Variants in FSTL5 observed in about 807,000 individuals in gnomAD.
FSTL5 encodes follistatin-related protein 5.
In FSTL5, 62 loss-of-function variants were observed where a neutral mutation model predicts 89.1. The ratio of observed to expected loss-of-function variants is 0.70; its 90% confidence interval spans 0.57 to 0.86. The LOEUF (loss-of-function observed/expected upper bound fraction) is 0.86. FSTL5 is among the 40% of genes least tolerant of loss of function. The probability of loss-of-function intolerance (pLI) is 0.00; values close to 1 mark genes in which losing one functional copy is unlikely to be tolerated. For synonymous variants in FSTL5, 383 were observed against 346.2 expected (o/e 1.11, Z -1.18); for missense variants, 1,057 against 1,001.6 (o/e 1.06, Z -0.75).
chr4:162,142,366 C>T (rs1041871951), intron 1 of FSTL5, among the ~76,000 whole-genome samples: 3 of 152,088 alleles, frequency 2.0e-5, no homozygotes, highest in African/African-American at 7.2e-5. Flanking sequence ...ATTTAATAAT[C>T]TGTAAATTAT....
At chr4:161,616,721 T>C (rs1022494898) in intron 7 of FSTL5, among the ~76,000 whole-genome samples, 6 of 151,544 alleles carry the variant, frequency 4.0e-5, no homozygotes, top group Admixed American at 3.9e-4. Flanking sequence ...TGCAGTGGGG[T>C]GAAGAGGACC....
intron 6 of FSTL5, among the ~76,000 whole-genome samples, chr4:161,664,457 C>T (rs1049047535): frequency 6.6e-6 from 1 of 152,194 alleles, no homozygotes; most frequent in Non-Finnish European, 1.5e-5. Context: ...CTGCCAGTCT[C>T]TTTGCTAAAA....
intron 2 of FSTL5, among the ~76,000 whole-genome samples, chr4:162,051,278 A>G (rs184309600): frequency 2.0e-5 from 3 of 151,658 alleles, no homozygotes; most frequent in Admixed American, 2.0e-4. Context: ...ATCATCTAAT[A>G]AGAGATTTAA....
chr4:162,021,960 G>A (rs1009591792), intron 3 of FSTL5, among the ~76,000 whole-genome samples: 1 of 151,834 alleles, frequency 6.6e-6, no homozygotes, highest in South Asian at 2.1e-4. Context: ...GTGTGGTGGC[G>A]GGTGCCTGTA....
chr4:161,899,828 ACATGTAAC>A (rs1733293995), intron 4 of FSTL5, among the ~76,000 whole-genome samples: 1 of 152,192 alleles, frequency 6.6e-6, no homozygotes, highest in Non-Finnish European at 1.5e-5. Context: ...TATTTAGTGA[ACATGTAAC>A]CAGCAGTATC....
At chr4:162,035,572 C>T (rs1251482540) in intron 2 of FSTL5, among the ~76,000 whole-genome samples, 1 of 151,960 alleles carries the variant, frequency 6.6e-6, no homozygotes, top group South Asian at 2.1e-4. Flanking sequence ...ACAATCTGGG[C>T]AGTAATAGGA....
intron 6 of FSTL5, among the ~76,000 whole-genome samples, chr4:161,758,000 T>C (rs1002395279): frequency 2.0e-5 from 3 of 152,176 alleles, no homozygotes; most frequent in African/African-American, 7.2e-5. Flanking sequence ...TACCGGATCA[T>C]CCTGTGTTGC....
At chr4:161,576,052 G>T (rs111278020) in intron 8 of FSTL5, among the ~76,000 whole-genome samples, 1 of 151,922 alleles carries the variant, frequency 6.6e-6, no homozygotes, top group East Asian at 1.9e-4. Context: ...CAAATCATGA[G>T]TGAAATCCCA....
chr4:161,498,312 A>T (rs1428826405), intron 12 of FSTL5, among the ~76,000 whole-genome samples: 3 of 152,034 alleles, frequency 2.0e-5, no homozygotes, highest in African/African-American at 7.2e-5. Context: ...TGTCACATCA[A>T]ATTTTTGCTT....
At chr4:161,406,769 C>T (rs1225032163) in intron 15 of FSTL5, among the ~76,000 whole-genome samples, 1 of 152,166 alleles carries the variant, frequency 6.6e-6, no homozygotes, top group Non-Finnish European at 1.5e-5. Context: ...TTACTATTTG[C>T]ATGGAATATC....
At chr4:161,833,649 C>G (rs1730925913) in intron 4 of FSTL5, among the ~76,000 whole-genome samples, 1 of 152,058 alleles carries the variant, frequency 6.6e-6, no homozygotes, top group African/African-American at 2.4e-5. Context: ...CCTTCTTTGT[C>G]TCTTTTGATC....
intron 4 of FSTL5, among the ~76,000 whole-genome samples, chr4:161,860,236 G>A (rs530557298): frequency 1.3e-5 from 2 of 152,038 alleles, no homozygotes; most frequent in Non-Finnish European, 2.9e-5. Context: ...TGCAGTGAGA[G>A]GAGATCGCGC....
chr4:161,728,463 T>C (rs1034956593), intron 6 of FSTL5, among the ~76,000 whole-genome samples: 2 of 152,222 alleles, frequency 1.3e-5, no homozygotes, highest in Middle Eastern at 3.4e-3. Flanking sequence ...GCTTACTTAA[T>C]AAAGGAACTA....
chr4:162,066,324 TTC>T (rs1267573449), intron 2 of FSTL5, among the ~76,000 whole-genome samples: 2 of 32,668 alleles, frequency 6.1e-5, no homozygotes, highest in African/African-American at 1.8e-4. Context: ...CTTCTTCTTC[TTC>T]TTCTTCTTCT....
intron 2 of FSTL5, among the ~76,000 whole-genome samples, chr4:162,082,067 T>C (rs926275527): frequency 2.0e-5 from 3 of 151,740 alleles, no homozygotes; most frequent in African/African-American, 7.2e-5. Context: ...AATAGAATTA[T>C]TTTAATACCA....
chr4:161,645,056 G>T (rs1330808954), intron 7 of FSTL5, among the ~76,000 whole-genome samples: 1 of 151,966 alleles, frequency 6.6e-6, no homozygotes. Context: ...TAGTAATTTT[G>T]CATATTCAAA....
At position 161,794,257 on chromosome 4, in the gene FSTL5, T is replaced by C. The variant is rs969875687; in HGVS notation, c.410-18183A>G. Among the ~76,000 whole-genome samples, 3 of 152,324 alleles carry C rather than the reference T, an allele frequency of 2.0e-5. No individual in the cohort carries two copies. The East Asian group carries it at 5.8e-4, about 29-fold the overall frequency. The stretch of plus-strand genomic sequence containing the variant: ...TTCAAAGCATTCTAGATGATTTATA[T>C]GTACAGCCAAGATACAGACCCAGTT... On this transcript the variant is annotated intron_variant, in intron 4 of 15. Coordinates refer to ENST00000306100, the MANE Select transcript of FSTL5 (RefSeq NM_020116.5).
intron 1 of FSTL5, among the ~76,000 whole-genome samples, chr4:162,126,329 T>G (rs952232033): frequency 1.1e-4 from 16 of 152,104 alleles, no homozygotes; most frequent in African/African-American, 3.9e-4. Flanking sequence ...ATAACTTTAT[T>G]AAAATCTTAG....
chr4:162,130,912 A>T (rs1732278758), intron 1 of FSTL5, among the ~76,000 whole-genome samples: 1 of 152,160 alleles, frequency 6.6e-6, no homozygotes, highest in Admixed American at 6.5e-5. Context: ...TAGATATTAA[A>T]TATGGCCAAT....
Sources: allele counts gnomAD v4.1 joint callset (sites outside exome capture counted in the v4.1 genomes callset), GRCh38; gene constraint gnomAD v4.1.1; transcripts MANE v1.5; gene names NCBI Gene and HGNC (gene_info 2026-07-23, HGNC 2026-07-21).